PTPRM: variants seen among roughly 807,000 people sequenced by gnomAD.
The protein encoded by PTPRM is receptor-type tyrosine-protein phosphatase mu.
Under a neutral mutation model 186.7 loss-of-function variants are expected in PTPRM, and 47 were observed. The ratio of observed to expected loss-of-function variants is 0.25; its 90% confidence interval spans 0.20 to 0.32. The LOEUF (loss-of-function observed/expected upper bound fraction) is 0.32, where lower values mean the gene tolerates loss of function less well. Ranked by LOEUF, PTPRM falls within the 10% of genes least tolerant of loss-of-function variation. The pLI is 1.00. For synonymous variants in PTPRM, 668 were observed against 674.9 expected (o/e 0.99, Z 0.16); for missense variants, 1,494 against 1,865.0 (o/e 0.80, Z 3.66).
At chr18:7,915,256 A>C (rs189183913) in intron 4 of PTPRM, among the ~76,000 whole-genome samples, 27 of 152,146 alleles carry the variant, frequency 1.8e-4, no homozygotes, top group Admixed American at 1.8e-3. Flanking sequence ...CATGGAAGAT[A>C]TTTAGTTTTT....
intron 1 of PTPRM, among the ~76,000 whole-genome samples, chr18:7,667,694 A>T (rs1274392172): frequency 6.6e-6 from 1 of 152,184 alleles, no homozygotes; most frequent in Admixed American, 6.5e-5. Flanking sequence ...ACCTAAAGAG[A>T]CACTTAGTAA....
intron 2 of PTPRM, among the ~76,000 whole-genome samples, chr18:7,807,875 G>T (rs750314020): frequency 1.3e-5 from 2 of 152,160 alleles, no homozygotes; most frequent in Non-Finnish European, 2.9e-5. Flanking sequence ...GTTACCGTTG[G>T]TTAAATGGGT....
At chr18:7,849,406 A>G (rs1345596302) in intron 2 of PTPRM, among the ~76,000 whole-genome samples, 2 of 152,236 alleles carry the variant, frequency 1.3e-5, no homozygotes, top group Non-Finnish European at 2.9e-5. Context: ...TGAATCCTAG[A>G]TGGGTCTCTT....
chr18:7,921,117 C>G (rs2050834749), intron 4 of PTPRM, among the ~76,000 whole-genome samples: 1 of 152,030 alleles, frequency 6.6e-6, no homozygotes, highest in Admixed American at 6.6e-5. Context: ...CTTTCTGTCC[C>G]TGGATATTTA....
intron 2 of PTPRM, among the ~76,000 whole-genome samples, chr18:7,843,340 C>T (rs1319167219): frequency 6.6e-6 from 1 of 152,128 alleles, no homozygotes; most frequent in Non-Finnish European, 1.5e-5. Flanking sequence ...TAACTTAGGA[C>T]CCTGAAGCAA....
chr18:8,130,837 C>T (rs2092486233), intron 13 of PTPRM, among the ~76,000 whole-genome samples: 1 of 152,188 alleles, frequency 6.6e-6, no homozygotes, highest in Non-Finnish European at 1.5e-5. Flanking sequence ...CAAGTCCAGG[C>T]TTCTTGGGGA....
chr18:7,818,872 G>A (rs2045004968), intron 2 of PTPRM, among the ~76,000 whole-genome samples: 1 of 152,186 alleles, frequency 6.6e-6, no homozygotes, highest in African/African-American at 2.4e-5. Context: ...TTCCAGTAGA[G>A]CTGGATACAT....
intron 9 of PTPRM, among the ~76,000 whole-genome samples, chr18:8,078,044 A>T (rs905325841): frequency 2.0e-5 from 3 of 152,182 alleles, no homozygotes; most frequent in African/African-American, 7.2e-5. Context: ...TAAAAATCAG[A>T]TATGTGTAAG....
chr18:8,293,796 A>T (rs1374978578), intron 19 of PTPRM, among the ~76,000 whole-genome samples: 1 of 152,174 alleles, frequency 6.6e-6, no homozygotes, highest in African/African-American at 2.4e-5. Context: ...AAATCCCCTG[A>T]TTATATAAAG....
intron 13 of PTPRM, among the ~76,000 whole-genome samples, chr18:8,130,452 T>C (rs1262218905): frequency 2.0e-5 from 3 of 152,144 alleles, no homozygotes; most frequent in Non-Finnish European, 4.4e-5. Flanking sequence ...TGTCAAAAAT[T>C]GATGTATTGT....
intron 5 of PTPRM, among the ~76,000 whole-genome samples, chr18:7,931,014 T>G (rs9967327): frequency 0.04 from 6,057 of 152,078 alleles, 392 homozygotes; most frequent in African/African-American, 0.14. Flanking sequence ...GCATCCATTG[T>G]TACAGCTACA....
chr18:7,695,685 C>T (rs922819271), intron 1 of PTPRM, among the ~76,000 whole-genome samples: 1 of 150,336 alleles, frequency 6.7e-6, no homozygotes, highest in African/African-American at 2.4e-5. Flanking sequence ...ATAGAATTAT[C>T]TGCTCTGTTG....
chr18:7,983,554 C>T (rs1387944688), intron 7 of PTPRM, among the ~76,000 whole-genome samples: 2 of 152,130 alleles, frequency 1.3e-5, no homozygotes, highest in Non-Finnish European at 1.5e-5. Context: ...CTGGCTTTCT[C>T]ATCATTCTGT....
intron 23 of PTPRM, among the ~76,000 whole-genome samples, chr18:8,359,119 C>T (rs1487697231): frequency 1.3e-5 from 2 of 152,200 alleles, no homozygotes; most frequent in Admixed American, 6.5e-5. Context: ...AAGCAAAAGT[C>T]GTTTTCACTC....
intron 4 of PTPRM, among the ~76,000 whole-genome samples, chr18:7,925,238 A>C (rs1308459017): frequency 6.6e-6 from 1 of 152,226 alleles, no homozygotes; most frequent in African/African-American, 2.4e-5. Context: ...AGTGAAAAGC[A>C]GAGATCATAG....
In PTPRM at chr18:8,253,366, C is replaced by T; in HGVS notation, c.2706C>T (p.Ile902=). The T allele has an allele frequency of 6.3e-7, 1 of 1,591,872 alleles. No homozygotes were observed. Among genetic ancestry groups the T allele is most frequent in the Non-Finnish European group, 8.6e-7 (1 of 1,169,308 alleles). ...GGGTGGCAGACCTCCTTCAGCACATCACACAGATGAAGTGTGCGGAGGGCT... is the reference window on the plus strand; with the variant it reads ...GGGTGGCAGACCTCCTTCAGCACATTACACAGATGAAGTGTGCGGAGGGCT... ...AIRVADLLQH[I]TQMKCAEGYG... The change falls in exon 19 of 33, where the codon ATC becomes ATT. Residue 902 remains isoleucine (I), a synonymous_variant. Transcript: ENST00000580170.
chr18:7,726,033 G>A (rs2040541558), intron 1 of PTPRM, among the ~76,000 whole-genome samples: 4 of 152,066 alleles, frequency 2.6e-5, no homozygotes, highest in African/African-American at 9.7e-5. Context: ...TACAGAGTTC[G>A]CTCTTGCTCC....
chr18:8,042,255 A>T (rs1424246781), intron 7 of PTPRM, among the ~76,000 whole-genome samples: 1 of 152,224 alleles, frequency 6.6e-6, no homozygotes, highest in East Asian at 1.9e-4. Flanking sequence ...GTATGTACCA[A>T]ATATAAAAAT....
intron 19 of PTPRM, among the ~76,000 whole-genome samples, chr18:8,295,501 C>T (rs1213226101): frequency 6.6e-6 from 1 of 152,090 alleles, no homozygotes; most frequent in Non-Finnish European, 1.5e-5. Context: ...CCAAATGGTG[C>T]TCTCATTCAT....
Sources: gnomAD v4.1 joint callset for allele counts (sites outside exome capture counted in the v4.1 genomes callset) on GRCh38, gnomAD v4.1.1 for gene constraint, MANE v1.5 for transcripts, NCBI Gene and HGNC (gene_info 2026-07-23, HGNC 2026-07-21) for gene names.